Variants in ERBB4 observed in about 807,000 individuals in gnomAD.
ERBB4 encodes receptor tyrosine-protein kinase erbB-4.
A neutral mutation model predicts 158.0 loss-of-function variants in ERBB4; 42 were observed. That is an observed-to-expected ratio of 0.27 (90% CI 0.21 to 0.34). The LOEUF is 0.34. Among genes scored for constraint, ERBB4 ranks in the 10% least tolerant of loss-of-function variants. The pLI, the probability that ERBB4 is intolerant of heterozygous loss-of-function variation, is 1.00. For synonymous variants in ERBB4, 583 were observed against 558.7 expected (o/e 1.04, Z -0.61); for missense variants, 1,333 against 1,624.1 (o/e 0.82, Z 3.08).
intron 1 of ERBB4, among the ~76,000 whole-genome samples, chr2:212,272,808 A>G (rs1489502917): frequency 6.6e-6 from 1 of 151,774 alleles, no homozygotes; most frequent in Non-Finnish European, 1.5e-5. Flanking sequence ...ATTTCTGTAT[A>G]TGAAATTAAG....
At chr2:211,610,057 A>G (rs1450009286) in intron 19 of ERBB4, among the ~76,000 whole-genome samples, 1 of 152,144 alleles carries the variant, frequency 6.6e-6, no homozygotes, top group Non-Finnish European at 1.5e-5. Flanking sequence ...AATGCCAGCC[A>G]TGTGATCATT....
intron 4 of ERBB4, among the ~76,000 whole-genome samples, chr2:211,782,753 C>T (rs1040954198): frequency 1.3e-5 from 2 of 152,124 alleles, no homozygotes; most frequent in African/African-American, 2.4e-5. Flanking sequence ...GGTACCAGTA[C>T]CATGCTGTTT....
chr2:212,325,752 G>A (rs2087796393), intron 1 of ERBB4, among the ~76,000 whole-genome samples: 1 of 150,286 alleles, frequency 6.7e-6, no homozygotes, highest in South Asian at 2.1e-4. Flanking sequence ...ATCAAAACTG[G>A]GTTAAAATGC....
intron 2 of ERBB4, among the ~76,000 whole-genome samples, chr2:212,075,322 G>T (rs1394911074): frequency 6.6e-6 from 1 of 151,742 alleles, no homozygotes; most frequent in Non-Finnish European, 1.5e-5. Flanking sequence ...ATTGTCTTGG[G>T]ACATTGGAAT....
intron 1 of ERBB4, among the ~76,000 whole-genome samples, chr2:212,143,717 A>G (rs1559586192): frequency 6.6e-6 from 1 of 152,102 alleles, no homozygotes; most frequent in Non-Finnish European, 1.5e-5. Flanking sequence ...ACTTTGTTCC[A>G]ATGGAAGTTA....
chr2:211,585,550 T>C (rs2068251409), intron 19 of ERBB4, among the ~76,000 whole-genome samples: 1 of 152,140 alleles, frequency 6.6e-6, no homozygotes, highest in African/African-American at 2.4e-5. Flanking sequence ...ATTTATATAT[T>C]TAATTATACA....
intron 2 of ERBB4, among the ~76,000 whole-genome samples, chr2:211,997,905 C>A (rs1163107568): frequency 2.3e-5 from 1 of 43,766 alleles, no homozygotes; most frequent in Admixed American, 2.2e-4. Flanking sequence ...TATACACACA[C>A]ACATCACACA....
At chr2:211,899,659 G>C (rs2079183760) in intron 3 of ERBB4, among the ~76,000 whole-genome samples, 2 of 152,078 alleles carry the variant, frequency 1.3e-5, no homozygotes, top group African/African-American at 4.8e-5. Context: ...ACAGGTTATA[G>C]AATAAATTTT....
chr2:211,888,815 C>G (rs1244933334), intron 3 of ERBB4, among the ~76,000 whole-genome samples: 2 of 151,688 alleles, frequency 1.3e-5, no homozygotes, highest in Non-Finnish European at 2.9e-5. Flanking sequence ...CGGGTCACTC[C>G]CACCCGAATA....
intron 16 of ERBB4, among the ~76,000 whole-genome samples, chr2:211,633,134 G>C (rs576411058): frequency 5.3e-5 from 8 of 152,176 alleles, no homozygotes; most frequent in Non-Finnish European, 1.0e-4. Context: ...TGTAGCTTAA[G>C]AAGACTTAAT....
intron 1 of ERBB4, among the ~76,000 whole-genome samples, chr2:212,297,925 G>C (rs984445859): frequency 6.6e-6 from 1 of 151,560 alleles, no homozygotes. Flanking sequence ...TTGAAATAAA[G>C]TAAGTTCAAT....
intron 3 of ERBB4, among the ~76,000 whole-genome samples, chr2:211,842,806 C>T (rs968335780): frequency 3.9e-5 from 6 of 152,064 alleles, no homozygotes; most frequent in African/African-American, 1.2e-4. Context: ...ACACAGGGGT[C>T]GTATCTGTCT....
chr2:211,503,500 T>C (rs2065669154), intron 20 of ERBB4, among the ~76,000 whole-genome samples: 1 of 152,006 alleles, frequency 6.6e-6, no homozygotes, highest in Non-Finnish European at 1.5e-5. Flanking sequence ...GCCTGAGTGG[T>C]TTGTTGGCAG....
chr2:211,418,991 T>G (rs927404349), intron 25 of ERBB4, among the ~76,000 whole-genome samples: 5 of 152,130 alleles, frequency 3.3e-5, no homozygotes, highest in African/African-American at 1.2e-4. Flanking sequence ...TCTTTCCATA[T>G]CAGATCTTCT....
intron 2 of ERBB4, among the ~76,000 whole-genome samples, chr2:212,081,243 A>G (rs1030586554): frequency 1.3e-5 from 2 of 152,166 alleles, no homozygotes; most frequent in Non-Finnish European, 2.9e-5. Context: ...GTGATCAACC[A>G]AACTGCAGTC....
chr2:212,444,130 C>A (rs2092305741), intron 1 of ERBB4, among the ~76,000 whole-genome samples: 1 of 152,142 alleles, frequency 6.6e-6, no homozygotes, highest in African/African-American at 2.4e-5. Context: ...CAGCCTGCAC[C>A]AATGGCTTCA....
intron 1 of ERBB4, among the ~76,000 whole-genome samples, chr2:212,315,587 T>G (rs1481288408): frequency 1.3e-5 from 2 of 151,510 alleles, no homozygotes; most frequent in African/African-American, 4.8e-5. Flanking sequence ...TGTGTCCTAT[T>G]ACAGTTATAG....
chr2:211,525,622 T>C (rs1273570911), intron 20 of ERBB4, among the ~76,000 whole-genome samples: 1 of 151,876 alleles, frequency 6.6e-6, no homozygotes, highest in African/African-American at 2.4e-5. Flanking sequence ...CACACTGGAG[T>C]AGGGCACCAA....
At chr2:211,913,982 G>A (rs545967322) in intron 3 of ERBB4, among the ~76,000 whole-genome samples, 264 of 146,340 alleles carry the variant, frequency 1.8e-3, no homozygotes, top group Non-Finnish European at 2.9e-3. Context: ...ATAAAGGAAA[G>A]TAGTAAAAAA....
Sources: gnomAD v4.1 joint callset for allele counts (sites outside exome capture counted in the v4.1 genomes callset) on GRCh38, gnomAD v4.1.1 for gene constraint, MANE v1.5 for transcripts, NCBI Gene and HGNC (gene_info 2026-07-23, HGNC 2026-07-21) for gene names.